The following MYRFL variants were observed in gnomAD, a reference collection of about 807,000 sequenced individuals.
MYRFL encodes myelin regulatory factor like, also known as myelin regulatory factor-like protein.
In MYRFL, 88 loss-of-function variants were observed where a neutral mutation model predicts 109.4. The observed-to-expected ratio is 0.80, with a 90% CI of 0.68 to 0.96. The LOEUF is 0.96. Among genes scored for constraint, MYRFL ranks in the 40% least tolerant of loss-of-function variants. The pLI is 0.00. For synonymous variants in MYRFL, 324 were observed against 320.9 expected, an observed-to-expected ratio of 1.01 and a Z score of -0.10; for missense variants, 957 against 954.9, an observed-to-expected ratio of 1.00 and a Z score of -0.03.
intron 1 of MYRFL, among the ~76,000 whole-genome samples, chr12:69,853,062 A>G (rs1025538981): frequency 6.6e-6 from 1 of 152,170 alleles, no homozygotes; most frequent in Non-Finnish European, 1.5e-5. Context: ...CGACAAAACC[A>G]CCATCGTCAT....
At chr12:69,905,473 T>C (rs1245694969) in intron 11 of MYRFL, among the ~76,000 whole-genome samples, 1 of 152,174 alleles carries the variant, frequency 6.6e-6, no homozygotes, top group African/African-American at 2.4e-5. Context: ...GGCAGCATGA[T>C]AGAATAAAGA....
intron 2 of MYRFL, among the ~76,000 whole-genome samples, chr12:69,861,393 A>G (rs978272218): frequency 2.0e-5 from 3 of 152,126 alleles, no homozygotes; most frequent in African/African-American, 7.2e-5. Context: ...GTTTCTCCAC[A>G]TCCTCTCCAG....
At chr12:69,860,014 G>T (rs1884542206) in intron 2 of MYRFL, among the ~76,000 whole-genome samples, 1 of 152,030 alleles carries the variant, frequency 6.6e-6, no homozygotes, top group Non-Finnish European at 1.5e-5. Context: ...GTGTGCCTAG[G>T]TGGTTTGCTG....
intron 13 of MYRFL, among the ~76,000 whole-genome samples, chr12:69,920,527 G>T (rs1232389947): frequency 6.6e-6 from 1 of 152,120 alleles, no homozygotes; most frequent in Non-Finnish European, 1.5e-5. Flanking sequence ...ATTAGTCTGT[G>T]CTGGAGTGGC....
At chr12:69,919,189 G>A (rs1954832534) in intron 13 of MYRFL, among the ~76,000 whole-genome samples, 1 of 152,154 alleles carries the variant, frequency 6.6e-6, no homozygotes, top group East Asian at 1.9e-4. Flanking sequence ...TGGCCCTGAG[G>A]AGTCACAAGA....
intron 15 of MYRFL, among the ~76,000 whole-genome samples, chr12:69,930,100 T>A (rs765445340): frequency 3.3e-5 from 5 of 152,234 alleles, no homozygotes; most frequent in Non-Finnish European, 7.3e-5. Context: ...TGACTTTTCC[T>A]TCCATGCCAC....
At chr12:69,926,932 G>GTTTTTTT (rs1336716063) in intron 14 of MYRFL, among the ~76,000 whole-genome samples, 198 bp downstream of exon 14, 876 of 76,844 alleles carry the variant, frequency 0.011, 320 homozygotes, top group Middle Eastern at 0.029. Flanking sequence ...TTCTGTTGCT[G>GTTTTTTT]GTTTTTTTTT....
chr12:69,894,625 AATGGATTCCAGT>A (rs1454061438), intron 8 of MYRFL, among the ~76,000 whole-genome samples: 1 of 152,208 alleles, frequency 6.6e-6, no homozygotes, highest in African/African-American at 2.4e-5. Flanking sequence ...TAGCTTGCTG[AATGGATTCCAGT>A]ATAGAAAGCA....
At chr12:69,830,630 C>T (rs1251426359) in intron 1 of MYRFL, among the ~76,000 whole-genome samples, 1 of 151,982 alleles carries the variant, frequency 6.6e-6, no homozygotes, top group East Asian at 1.9e-4. Context: ...GAAGAACCAG[C>T]CAGGTCATGC....
At chr12:69,903,923 C>T in intron 11 of MYRFL, 79 bp downstream of exon 11, 1 of 1,267,782 alleles carries the variant, frequency 7.9e-7, no homozygotes, top group Non-Finnish European at 1.1e-6. Flanking sequence ...CTCTGACACA[C>T]CTTGAACCGC....
At chr12:69,853,835 C>T (rs1047359421) in intron 1 of MYRFL, among the ~76,000 whole-genome samples, 9 of 145,888 alleles carry the variant, frequency 6.2e-5, no homozygotes, top group Middle Eastern at 4.0e-3. Flanking sequence ...GGATCGCGGC[C>T]GGGAAGAGGC....
intron 6 of MYRFL, among the ~76,000 whole-genome samples, chr12:69,890,579 C>T (rs989958217): frequency 6.6e-6 from 1 of 152,064 alleles, no homozygotes; most frequent in East Asian, 1.9e-4. Context: ...ACTAAAAATA[C>T]AAAAATTAGC....
intron 2 of MYRFL, among the ~76,000 whole-genome samples, chr12:69,857,493 C>G (rs1338706568): frequency 6.6e-6 from 1 of 151,812 alleles, no homozygotes; most frequent in Admixed American, 6.6e-5. Flanking sequence ...ACTTAACATT[C>G]TAACAAAATT....
intron 6 of MYRFL, among the ~76,000 whole-genome samples, chr12:69,888,658 G>A (rs1565999237): frequency 6.6e-6 from 1 of 152,104 alleles, no homozygotes; most frequent in Non-Finnish European, 1.5e-5. Context: ...GATTATTGCT[G>A]CCCTAAATTT....
chr12:69,951,357 G>C (rs1246968404), intron 19 of MYRFL, among the ~76,000 whole-genome samples: 1 of 151,132 alleles, frequency 6.6e-6, no homozygotes, highest in Non-Finnish European at 1.5e-5. Context: ...TCAACTTGCT[G>C]TGTCTTCAGA....
intron 5 of MYRFL, among the ~76,000 whole-genome samples, chr12:69,881,301 T>C (rs1886090796): frequency 1.3e-5 from 2 of 152,108 alleles, no homozygotes; most frequent in Non-Finnish European, 2.9e-5. Context: ...CTGTAAACAC[T>C]CAAATGTGGG....
At chr12:69,953,010 A>G (rs1468723344) in intron 21 of MYRFL, 124 bp downstream of exon 21, 2 of 614,640 alleles carry the variant, frequency 3.3e-6, no homozygotes, top group East Asian at 3.0e-5. Context: ...ATTGCTCCTT[A>G]AGTGAAAACA....
At chr12:69,891,685 C>CTTTCTTTCTTTCTTTG in intron 7 of MYRFL, among the ~76,000 whole-genome samples, 1 of 93,992 alleles carries the variant, frequency 1.1e-5, no homozygotes, top group East Asian at 2.6e-4. Context: ...TTCTTTCTTT[C>CTTTCTTTCTTTCTTTG]GTTCGTTCGT....
At chr12:69,870,325 G>C (rs117010840) in intron 2 of MYRFL, among the ~76,000 whole-genome samples, 1 of 146,192 alleles carries the variant, frequency 6.8e-6, no homozygotes, top group East Asian at 2.0e-4. Context: ...TGATCCACCC[G>C]CCTCGGCCTC....
Sources: gnomAD v4.1 joint callset for allele counts (sites outside exome capture counted in the v4.1 genomes callset) on GRCh38, gnomAD v4.1.1 for gene constraint, MANE v1.5 for transcripts, NCBI Gene and HGNC (gene_info 2026-07-23, HGNC 2026-07-21) for gene names.